Variants in SLAMF9 observed in about 807,000 individuals in gnomAD.
SLAMF9 encodes CD2 family member 10.
Under a neutral mutation model 30.4 loss-of-function variants are expected in SLAMF9, and 25 were observed. The observed-to-expected ratio is 0.82, with a 90% CI of 0.60 to 1.15. The LOEUF is 1.15. Among genes scored for constraint, SLAMF9 ranks in the 50% most tolerant of loss-of-function variants. The probability of loss-of-function intolerance (pLI) is 0.00; values close to 1 mark genes in which losing one functional copy is unlikely to be tolerated. For synonymous variants in SLAMF9, 129 were observed against 127.2 expected (o/e 1.01, Z -0.09); for missense variants, 344 against 346.1 (o/e 0.99, Z 0.05).
the SLAMF9 span, among the ~76,000 whole-genome samples, chr1:159,969,844 A>T: frequency 2.0e-5 from 3 of 152,152 alleles, no homozygotes; most frequent in Non-Finnish European, 4.4e-5. Context: ...GGAGTTCAAG[A>T]GTCACCTGGG....
chr1:159,978,490 G>A, the SLAMF9 span: 2 of 152,254 alleles, frequency 1.3e-5, no homozygotes, highest in Non-Finnish European at 2.9e-5. Flanking sequence ...AGGGCATCCA[G>A]ACAGGCCAGC....
At chr1:159,961,105 CTA>C in the SLAMF9 span, 1 of 152,152 alleles carries the variant, frequency 6.6e-6, no homozygotes, top group Non-Finnish European at 1.5e-5. Context: ...AGAGACCAAA[CTA>C]TGACATTATT....
At chr1:159,971,590 T>G in the SLAMF9 span, among the ~76,000 whole-genome samples, 4 of 152,190 alleles carry the variant, frequency 2.6e-5, no homozygotes, top group East Asian at 5.8e-4. Flanking sequence ...CAGCTCTTAG[T>G]GAGGTGAAGA....
the SLAMF9 span, among the ~76,000 whole-genome samples, chr1:159,980,223 G>A: frequency 1.3e-5 from 2 of 152,050 alleles, no homozygotes; most frequent in Non-Finnish European, 2.9e-5. Context: ...ACCTCCCCAC[G>A]GTGGGCTGTG....
chr1:159,959,835 A>T, the SLAMF9 span, among the ~76,000 whole-genome samples: 1 of 152,062 alleles, frequency 6.6e-6, no homozygotes, highest in East Asian at 1.9e-4. Flanking sequence ...CTTGACTCCC[A>T]TTGTACGTTC....
At chr1:159,963,044 G>A in the SLAMF9 span, among the ~76,000 whole-genome samples, 1 of 152,216 alleles carries the variant, frequency 6.6e-6, no homozygotes, top group African/African-American at 2.4e-5. Context: ...TGGGTGGGCA[G>A]TGTCGAAGAG....
the SLAMF9 span, chr1:159,983,952 C>T: frequency 4.6e-5 from 7 of 152,490 alleles, no homozygotes; most frequent in African/African-American, 1.7e-4. Context: ...AGAAGAAAGG[C>T]AGTGCCTTTC....
the SLAMF9 span, among the ~76,000 whole-genome samples, chr1:159,961,965 C>T: frequency 8.6e-5 from 13 of 151,596 alleles, no homozygotes; most frequent in African/African-American, 2.7e-4. Flanking sequence ...GAGACCAGCC[C>T]GGCCAACATG....
chr1:159,966,284 T>C, the SLAMF9 span, among the ~76,000 whole-genome samples: 7 of 152,240 alleles, frequency 4.6e-5, no homozygotes, highest in Non-Finnish European at 1.0e-4. Flanking sequence ...ATGACAGAAT[T>C]TCATTCTTTC....
chr1:159,983,763 T>C, the SLAMF9 span: 1 of 152,164 alleles, frequency 6.6e-6, no homozygotes, highest in Non-Finnish European at 1.5e-5. Context: ...TAAGAGTGCT[T>C]CCCCTGGTCA....
the SLAMF9 span, among the ~76,000 whole-genome samples, chr1:159,970,283 A>G: frequency 8.1e-3 from 1,228 of 152,334 alleles, 14 homozygotes; most frequent in African/African-American, 0.028. Context: ...AGGATAGTGC[A>G]GACTTGCTCC....
chr1:159,965,221 A>G, the SLAMF9 span, among the ~76,000 whole-genome samples: 1 of 152,356 alleles, frequency 6.6e-6, no homozygotes, highest in African/African-American at 2.4e-5. Flanking sequence ...ATACACAACA[A>G]ACAGATCTGT....
At chr1:159,969,332 TTACC>T in the SLAMF9 span, among the ~76,000 whole-genome samples, 1 of 152,170 alleles carries the variant, frequency 6.6e-6, no homozygotes, top group Non-Finnish European at 1.5e-5. Flanking sequence ...TGATGAGGTA[TTACC>T]CAAAGGCTAT....
chr1:159,954,861 C>T (rs1320817452), upstream of SLAMF9, among the ~76,000 whole-genome samples: 1 of 152,000 alleles, frequency 6.6e-6, no homozygotes, highest in African/African-American at 2.4e-5. Context: ...GGCAGATCAC[C>T]TGAGGTCAGG....
At chr1:159,961,847 A>G in the SLAMF9 span, among the ~76,000 whole-genome samples, 1 of 152,022 alleles carries the variant, frequency 6.6e-6, no homozygotes, top group East Asian at 1.9e-4. Flanking sequence ...TGCTGAGTTT[A>G]TAAGTTATGC....
chr1:159,952,626 C>A, intron 2 of SLAMF9, 92 bp from the exon 3 acceptor site: 2 of 1,330,794 alleles, frequency 1.5e-6, no homozygotes, highest in Non-Finnish European at 2.1e-6. Context: ...TAATGCTACC[C>A]CTTGACAGCC....
the SLAMF9 span, chr1:159,972,894 C>A: frequency 3.0e-6 from 3 of 984,776 alleles, no homozygotes; most frequent in Non-Finnish European, 4.2e-6. Context: ...ACCCTGGCTC[C>A]CTCCTCTCCT....
the SLAMF9 span, among the ~76,000 whole-genome samples, chr1:159,977,681 C>A: frequency 6.6e-6 from 1 of 152,116 alleles, no homozygotes; most frequent in Non-Finnish European, 1.5e-5. Context: ...GGGAAAGGAC[C>A]CTGAGGCTTT....
At chr1:159,963,753 T>C in the SLAMF9 span, among the ~76,000 whole-genome samples, 2 of 152,174 alleles carry the variant, frequency 1.3e-5, no homozygotes, top group Non-Finnish European at 2.9e-5. Flanking sequence ...ATAATCAAGC[T>C]GAGAGCTAGT....
Sources: allele counts gnomAD v4.1 joint callset (sites outside exome capture counted in the v4.1 genomes callset), GRCh38; gene constraint gnomAD v4.1.1; transcripts MANE v1.5; gene names NCBI Gene and HGNC (gene_info 2026-07-23, HGNC 2026-07-21).